TANC2: variants seen among roughly 807,000 people sequenced by gnomAD.
TANC2 encodes protein TANC2.
A neutral mutation model predicts 210.5 loss-of-function variants in TANC2; 26 were observed. That is an observed-to-expected ratio of 0.12 (90% CI 0.09 to 0.17). The LOEUF (loss-of-function observed/expected upper bound fraction) is 0.17, where lower values mean the gene tolerates loss of function less well. Ranked by LOEUF, TANC2 falls within the 10% of genes least tolerant of loss-of-function variation. The pLI, the probability that TANC2 is intolerant of heterozygous loss-of-function variation, is 1.00. For synonymous variants in TANC2, 931 were observed against 967.1 expected, an observed-to-expected ratio of 0.96 and a Z score of 0.69; for missense variants, 2,129 against 2,608.9, an observed-to-expected ratio of 0.82 and a Z score of 4.01.
chr17:63,002,921 G>A (rs1598226286), intron 1 of TANC2, among the ~76,000 whole-genome samples: 1 of 152,230 alleles, frequency 6.6e-6, no homozygotes. Context: ...TTATAAATCT[G>A]TTATGAAAAT....
intron 4 of TANC2, among the ~76,000 whole-genome samples, chr17:63,102,588 A>G (rs2037668660): frequency 6.6e-6 from 1 of 151,946 alleles, no homozygotes; most frequent in African/African-American, 2.4e-5. Flanking sequence ...CATCATTTAC[A>G]TTAGGTATAT....
intron 9 of TANC2, among the ~76,000 whole-genome samples, chr17:63,283,623 A>C (rs1030455259): frequency 6.6e-6 from 1 of 151,994 alleles, no homozygotes; most frequent in Admixed American, 6.6e-5. Context: ...CAACCTATAT[A>C]GTATATCTCT....
intron 6 of TANC2, 57 bp downstream of exon 6, chr17:63,194,196 G>A: frequency 2.6e-6 from 4 of 1,535,862 alleles, no homozygotes; most frequent in Non-Finnish European, 3.5e-6. Context: ...TATTATGCCA[G>A]AAATAATCCC....
chr17:63,118,159 A>G (rs2038324183), intron 4 of TANC2, among the ~76,000 whole-genome samples: 1 of 152,204 alleles, frequency 6.6e-6, no homozygotes, highest in African/African-American at 2.4e-5. Flanking sequence ...ACAATATGGA[A>G]ATCTAGAATT....
intron 2 of TANC2, among the ~76,000 whole-genome samples, chr17:63,015,758 G>C (rs948077506): frequency 2.0e-5 from 3 of 151,278 alleles, no homozygotes; most frequent in Non-Finnish European, 4.4e-5. Flanking sequence ...AAAAACCGCT[G>C]TGTGGTTCTT....
chr17:63,321,544 A>G (rs1176890615), intron 11 of TANC2, among the ~76,000 whole-genome samples: 1 of 152,186 alleles, frequency 6.6e-6, no homozygotes, highest in African/African-American at 2.4e-5. Context: ...TGAAATGCCC[A>G]AAAGTCAGTA....
At chr17:62,973,077 A>G (rs548654211) in intron 1 of TANC2, among the ~76,000 whole-genome samples, 86 of 149,828 alleles carry the variant, frequency 5.7e-4, no homozygotes, top group Non-Finnish European at 9.6e-4. Context: ...TGCCTAGGCT[A>G]GAGTGTAATG....
chr17:63,140,890 G>A (rs2039264630), intron 4 of TANC2, among the ~76,000 whole-genome samples: 1 of 151,884 alleles, frequency 6.6e-6, no homozygotes, highest in Non-Finnish European at 1.5e-5. Flanking sequence ...GGGACTACAG[G>A]CCCTCACCAC....
chr17:63,336,510 A>T (rs2046033293), intron 11 of TANC2, among the ~76,000 whole-genome samples: 1 of 152,188 alleles, frequency 6.6e-6, no homozygotes, highest in South Asian at 2.1e-4. Context: ...ATCATTTTTT[A>T]TATACAGCAT....
intron 7 of TANC2, among the ~76,000 whole-genome samples, chr17:63,209,607 G>A (rs1206485501): frequency 2.6e-5 from 4 of 151,572 alleles, no homozygotes; most frequent in Non-Finnish European, 5.9e-5. Context: ...CTAATTTTTT[G>A]TTTTTTTAGT....
chr17:63,323,945 G>A (rs7209930), intron 11 of TANC2, among the ~76,000 whole-genome samples: 28,508 of 152,032 alleles, frequency 0.19, 3,270 homozygotes, highest in South Asian at 0.3. Flanking sequence ...ACTGAGGCAG[G>A]CAAAGTCTAT....
chr17:63,103,849 A>G (rs1310862283), intron 4 of TANC2, among the ~76,000 whole-genome samples: 5 of 152,164 alleles, frequency 3.3e-5, no homozygotes, highest in African/African-American at 1.2e-4. Context: ...TACTCTTATT[A>G]GCTTGTGTTT....
intron 9 of TANC2, among the ~76,000 whole-genome samples, chr17:63,306,790 C>G (rs1567899961): frequency 1.3e-5 from 2 of 152,096 alleles, no homozygotes; most frequent in African/African-American, 2.4e-5. Context: ...CATTTCTACA[C>G]AAAGTTTTTT....
intron 14 of TANC2, among the ~76,000 whole-genome samples, chr17:63,358,571 C>G (rs1567950142): frequency 6.6e-6 from 1 of 152,188 alleles, no homozygotes; most frequent in Non-Finnish European, 1.5e-5. Flanking sequence ...AGCCTTCTGA[C>G]ATACCCTGAA....
intron 11 of TANC2, among the ~76,000 whole-genome samples, chr17:63,337,142 C>A (rs1007593576): frequency 6.6e-6 from 1 of 152,240 alleles, no homozygotes; most frequent in South Asian, 2.1e-4. Context: ...AGTAAATAAT[C>A]TATTTTGAGC....
At chr17:63,032,956 C>T (rs903413416) in intron 2 of TANC2, among the ~76,000 whole-genome samples, 1 of 152,186 alleles carries the variant, frequency 6.6e-6, no homozygotes, top group African/African-American at 2.4e-5. Flanking sequence ...CCATGGCTCC[C>T]TCCTTGGGTT....
rs2048993105 is a variant in TANC2 at position 63,420,520 on chromosome 17, C to G, written c.4790C>G (p.Ser1597Cys). 6.2e-7 allele frequency: 1 copy of G among 1,613,960 alleles called. No individual in the cohort carries two copies. The highest frequency in any genetic ancestry group is 8.5e-7 in the Non-Finnish European group (1 of 1,179,854). ...ACTTCCCCGGCTCATCAGGGAGGAT[C>G]TTACCGTTTCAGCCCCCCTCCTGTG... Residue 1597 changes from serine to cysteine, a missense_variant, in exon 28 of 28, where the codon TCT becomes TGT. Ser to Cys is a moderately radical substitution (Grantham distance 112). Transcript: ENST00000689528. This position sits in a 1 kb window ranked among gnomAD's most constrained non-coding sequence, Gnocchi z 4.2.
intron 2 of TANC2, among the ~76,000 whole-genome samples, chr17:63,055,990 A>AAAAT (rs2035784593): frequency 2.0e-4 from 2 of 10,102 alleles, no homozygotes; most frequent in Non-Finnish European, 4.3e-4. Context: ...AAAAAAAAAA[A>AAAAT]ATATATATAT....
At chr17:63,401,089 T>C (rs2048330024) in intron 19 of TANC2, among the ~76,000 whole-genome samples, 1 of 152,222 alleles carries the variant, frequency 6.6e-6, no homozygotes, top group African/African-American at 2.4e-5. Context: ...CTATCTACTG[T>C]GATGGTTATT....
Sources: gnomAD v4.1 joint callset for allele counts (sites outside exome capture counted in the v4.1 genomes callset) on GRCh38, gnomAD v4.1.1 for gene constraint, Gnocchi (gnomAD v3.1) non-coding constraint, MANE v1.5 for transcripts, NCBI Gene and HGNC (gene_info 2026-07-23, HGNC 2026-07-21) for gene names.